ITIH5: variants seen among roughly 807,000 people sequenced by gnomAD.
ITIH5 encodes the protein inter-alpha-trypsin inhibitor heavy chain 5.
ITIH5 carries 65 observed loss-of-function variants against 77.5 expected under a neutral mutation model. The observed-to-expected ratio is 0.84, with a 90% CI of 0.69 to 1.03. ITIH5 has a LOEUF of 1.03. Among genes scored for constraint, ITIH5 ranks in the 50% least tolerant of loss-of-function variants. ITIH5 has a pLI of 0.00. For missense variants in ITIH5, 1,208 were observed against 1,213.1 expected, an observed-to-expected ratio of 1.00 and a Z score of 0.06; for synonymous variants, 525 against 494.3, an observed-to-expected ratio of 1.06 and a Z score of -0.82.
intron 2 of ITIH5, among the ~76,000 whole-genome samples, chr10:7,645,416 C>T (rs1833995512): frequency 6.6e-6 from 1 of 152,172 alleles, no homozygotes; most frequent in African/African-American, 2.4e-5. Context: ...TTCTCAGACT[C>T]CATCCAAATC....
chr10:7,579,850 G>T lies in ITIH5; in HGVS notation c.1323C>A (p.Asp441Glu). The T allele has an allele frequency of 6.2e-7, 1 of 1,614,218 alleles. No homozygotes were observed. Among genetic ancestry groups the T allele is most frequent in the Admixed American group, 1.7e-5 (1 of 60,028 alleles). The part of the protein sequence containing the change: ...VCIFTIGIGN[D>E]VDFRLLEKLS... ...GTTTCTCCAGCAGCCTGAAGTCCAC[G>T]TCGTTGCCGATGCCAATGGTGAAGA... Residue 441 changes from aspartate (D) to glutamate (E), a missense_variant, in exon 9 of 14, where the codon GAC (aspartate) becomes GAA (glutamate). Transcript: ENST00000397146.
At position 7,576,847 on chromosome 10, in the gene ITIH5, C is replaced by G; in HGVS notation, c.1584G>C (p.Val528=). The G allele has an allele frequency of 6.2e-7, 1 of 1,614,202 alleles. No individual in the cohort carries two copies. The highest frequency in any genetic ancestry group is 8.5e-7 in the Non-Finnish European group (1 of 1,180,038). Residue 528 remains valine, a synonymous_variant, in exon 10 of 14, where the codon GTG becomes GTC. Coordinates refer to ENST00000397146, the MANE Select transcript of ITIH5 (RefSeq NM_030569.7). Reference sequence around the variant, plus strand: ...TCTTACTGTTGCTGGCGGTGACCTCCACGTGCAGGTGATCCAGCTTCCTGT... The same window carrying G: ...TCTTACTGTTGCTGGCGGTGACCTCGACGTGCAGGTGATCCAGCTTCCTGT... ...LVDRKLDHLH[V]EVTASNSKKF...
At chr10:7,569,483 G>C in intron 12 of ITIH5, 185 bp downstream of exon 12, 1 of 446,486 alleles carries the variant, frequency 2.2e-6, no homozygotes, top group South Asian at 6.4e-5. Context: ...CACGGCACTT[G>C]TCATAAAGCA....
Position 7,560,006 on chromosome 10 carries a change from C to T in ITIH5, c.*3077G>A, listed in dbSNP as rs1367411338. ...AGCTGGAACTACAGGCACGCACCAC[C>T]ACGCCCAGCTAATTTTTGTATTTTT... On this transcript the variant is annotated 3_prime_UTR_variant, in exon 14 of 14. Transcript: ENST00000397146. 1.7e-5 allele frequency: 6 copies of T among 353,054 alleles called. No individual in the cohort carries two copies. The highest frequency in any genetic ancestry group is 1.1e-4 in the African/African-American group (5 of 45,390). 21.9% of individuals were successfully genotyped at this position (353,054 alleles called of 1,614,324 possible).
At chr10:7,646,206 A>T (rs1834008019) in intron 2 of ITIH5, among the ~76,000 whole-genome samples, 1 of 152,106 alleles carries the variant, frequency 6.6e-6, no homozygotes, top group African/African-American at 2.4e-5. Flanking sequence ...TCAATGCTTT[A>T]AAAAAAATCC....
At chr10:7,638,014 T>C (rs555026785) in intron 4 of ITIH5, among the ~76,000 whole-genome samples, 22 of 152,326 alleles carry the variant, frequency 1.4e-4, no homozygotes, top group African/African-American at 4.6e-4. Context: ...GGTTCTCTTA[T>C]TCAAAATGGC....
chr10:7,574,026 A>C (rs781423036), intron 10 of ITIH5, among the ~76,000 whole-genome samples: 1 of 152,226 alleles, frequency 6.6e-6, no homozygotes, highest in Admixed American at 6.5e-5. Flanking sequence ...CAAAAACAAA[A>C]ACAAACAATA....
At chr10:7,628,214 A>G (rs1475999382) in intron 5 of ITIH5, among the ~76,000 whole-genome samples, 2 of 152,224 alleles carry the variant, frequency 1.3e-5, no homozygotes, top group African/African-American at 2.4e-5. Context: ...CACTACCTCT[A>G]TTAAGTTCCA....
chr10:7,604,782 A>G (rs1833088268), intron 7 of ITIH5, among the ~76,000 whole-genome samples: 1 of 151,856 alleles, frequency 6.6e-6, no homozygotes, highest in Non-Finnish European at 1.5e-5. Flanking sequence ...CTCCCCTACA[A>G]TCCTTTCCAC....
intron 8 of ITIH5, among the ~76,000 whole-genome samples, chr10:7,580,464 G>A (rs1259971670): frequency 6.6e-6 from 1 of 152,204 alleles, no homozygotes; most frequent in Non-Finnish European, 1.5e-5. Flanking sequence ...CCACCCAAAT[G>A]CTCACAGGAG....
intron 11 of ITIH5, chr10:7,572,105 C>A: frequency 9.5e-7 from 1 of 1,053,232 alleles, no homozygotes; most frequent in Non-Finnish European, 1.2e-6. Context: ...TCTGGCATTC[C>A]ATAAAGCCTG....
At chr10:7,581,956 ACCTCTG>A (rs1450872290) in intron 8 of ITIH5, among the ~76,000 whole-genome samples, 1 of 146,620 alleles carries the variant, frequency 6.8e-6, no homozygotes, top group East Asian at 2.0e-4. Context: ...GCTCACTGCA[ACCTCTG>A]CCTCCTGTGT....
At chr10:7,651,628 A>C (rs1834102747) in intron 2 of ITIH5, among the ~76,000 whole-genome samples, 1 of 151,772 alleles carries the variant, frequency 6.6e-6, no homozygotes, top group African/African-American at 2.4e-5. Flanking sequence ...TAATAATAAT[A>C]ACAATAATAA....
chr10:7,666,759 G>A lies in ITIH5; in HGVS notation c.90+44C>T, dbSNP rs370285639. On this transcript the variant is annotated intron_variant, in intron 1 of 13. Transcript: ENST00000397146. ...CCGCGGCCGGGCCGGCGGAGGGAAGGGGGCGGCCGCGCCCGGGACCCGGCT... is the reference window on the plus strand; with the variant it reads ...CCGCGGCCGGGCCGGCGGAGGGAAGAGGGCGGCCGCGCCCGGGACCCGGCT... 6.6e-4 allele frequency: 1,010 copies of A among 1,534,218 alleles called. 11 individuals are homozygous for A. The highest frequency in any genetic ancestry group is 4.6e-3 in the South Asian group (402 of 86,834).
In ITIH5 at chr10:7,563,008, G is replaced by T; in HGVS notation, c.*75C>A. ...TTGCCAGGAGCTGAGGCGTGTACAA[G>T]CCATGAAAAGAGCTGCCCCACGGCC... On this transcript the variant is annotated 3_prime_UTR_variant, in exon 14 of 14. Coordinates refer to ENST00000397146, the MANE Select transcript of ITIH5 (RefSeq NM_030569.7). 1 of 1,265,672 alleles carries T rather than the reference G, an allele frequency of 7.9e-7. No homozygotes were observed. The highest frequency in any genetic ancestry group is 1.1e-6 in the Non-Finnish European group (1 of 881,704). The allele number at this position is 1,265,672 out of a possible 1,614,324, so 78.4% of individuals were successfully genotyped here. A position where few individuals can be genotyped will look rare whatever the true frequency, so the allele number is the denominator to read the frequency against.
intron 2 of ITIH5, among the ~76,000 whole-genome samples, chr10:7,645,953 A>C (rs1258912749): frequency 6.6e-6 from 1 of 152,236 alleles, no homozygotes; most frequent in African/African-American, 2.4e-5. Flanking sequence ...TTATCTTTCA[A>C]AAAAAGAACC....
At chr10:7,599,740 C>T (rs747041842) in intron 7 of ITIH5, among the ~76,000 whole-genome samples, 6 of 152,118 alleles carry the variant, frequency 3.9e-5, no homozygotes, top group Admixed American at 2.6e-4. Context: ...CCATGCTCCA[C>T]GTAAAATCAT....
chr10:7,599,331 A>T (rs1453180336), intron 7 of ITIH5, among the ~76,000 whole-genome samples: 1 of 152,210 alleles, frequency 6.6e-6, no homozygotes, highest in Non-Finnish European at 1.5e-5. Flanking sequence ...GGTGAACCCC[A>T]GGCATGGCTG....
intron 7 of ITIH5, among the ~76,000 whole-genome samples, chr10:7,609,246 T>G (rs1833192703): frequency 2.0e-5 from 3 of 152,218 alleles, no homozygotes; most frequent in Admixed American, 2.0e-4. Flanking sequence ...TACGCACTGA[T>G]CACTCAATGG....
Sources: allele counts gnomAD v4.1 joint callset (sites outside exome capture counted in the v4.1 genomes callset), GRCh38; gene constraint gnomAD v4.1.1; transcripts MANE v1.5; gene names NCBI Gene and HGNC (gene_info 2026-07-23, HGNC 2026-07-21).